Variants in GHR observed in about 807,000 individuals in gnomAD.
The protein encoded by GHR is GH receptor.
In GHR, 35 loss-of-function variants were observed where a neutral mutation model predicts 67.1. The observed-to-expected ratio is 0.52, with a 90% CI of 0.40 to 0.69. The LOEUF is 0.69. Among genes scored for constraint, GHR ranks in the 30% least tolerant of loss-of-function variants. The pLI is 0.00. For missense variants in GHR, 792 were observed against 764.6 expected, an observed-to-expected ratio of 1.04 and a Z score of -0.42; for synonymous variants, 272 against 269.1, an observed-to-expected ratio of 1.01 and a Z score of -0.10.
intron 6 of GHR, among the ~76,000 whole-genome samples, chr5:42,701,650 A>T (rs1006858449): frequency 2.6e-5 from 4 of 152,176 alleles, no homozygotes; most frequent in Non-Finnish European, 5.9e-5. Context: ...CAATGGAAAA[A>T]ATTTGACTTT....
chr5:42,667,114 T>C (rs1339289077), intron 3 of GHR, among the ~76,000 whole-genome samples: 1 of 152,056 alleles, frequency 6.6e-6, no homozygotes, highest in African/African-American at 2.4e-5. Context: ...CCCACCACTA[T>C]ATATATTTGA....
At chr5:42,456,051 G>T (rs576676009) in intron 1 of GHR, among the ~76,000 whole-genome samples, 5 of 152,182 alleles carry the variant, frequency 3.3e-5, no homozygotes, top group African/African-American at 1.2e-4. Context: ...AATGGCTTAC[G>T]CCTGTAATCC....
intron 1 of GHR, among the ~76,000 whole-genome samples, chr5:42,525,479 C>A (rs1190477482): frequency 2.6e-5 from 4 of 152,212 alleles, no homozygotes; most frequent in Non-Finnish European, 4.4e-5. Flanking sequence ...TCTGATTTTA[C>A]AGGCTTATAG....
intron 2 of GHR, among the ~76,000 whole-genome samples, chr5:42,569,204 T>G (rs1393177910): frequency 6.6e-6 from 1 of 152,214 alleles, no homozygotes; most frequent in Non-Finnish European, 1.5e-5. Flanking sequence ...AGTGTACAGA[T>G]GTAGATATGA....
intron 3 of GHR, among the ~76,000 whole-genome samples, chr5:42,651,431 T>C (rs1755012751): frequency 6.6e-6 from 1 of 151,966 alleles, no homozygotes; most frequent in African/African-American, 2.4e-5. Flanking sequence ...CCACTGTGAG[T>C]GGGGTTTCAA....
Position 42,719,547 on chromosome 5 carries a change from T to C in GHR, c.*123T>C. On this transcript the variant is annotated 3_prime_UTR_variant, in exon 10 of 10. Transcript: ENST00000230882. ...GAGTGACAGGATGGGGTATGGATTCTAAAATGCCTTTTCCCAAAATGTTGA... is the reference window on the plus strand; with the variant it reads ...GAGTGACAGGATGGGGTATGGATTCCAAAATGCCTTTTCCCAAAATGTTGA... 1 of 897,822 alleles carries C rather than the reference T, an allele frequency of 1.1e-6. No homozygotes were observed. The highest frequency in any genetic ancestry group is 1.8e-6 in the Non-Finnish European group (1 of 543,832). 55.6% of individuals were successfully genotyped at this position (897,822 alleles called of 1,614,324 possible).
At chr5:42,627,846 G>A (rs1456188356) in intron 2 of GHR, among the ~76,000 whole-genome samples, 1 of 152,238 alleles carries the variant, frequency 6.6e-6, no homozygotes, top group Non-Finnish European at 1.5e-5. Context: ...CAAAGGCAGA[G>A]GGCCAGTGTG....
chr5:42,642,716 T>C (rs1239925041), intron 3 of GHR, among the ~76,000 whole-genome samples: 1 of 152,156 alleles, frequency 6.6e-6, no homozygotes, highest in Non-Finnish European at 1.5e-5. Flanking sequence ...ACCACAAACT[T>C]GGTGGCTTAA....
chr5:42,472,670 A>G (rs1385715602), intron 1 of GHR, among the ~76,000 whole-genome samples: 1 of 152,214 alleles, frequency 6.6e-6, no homozygotes, highest in African/African-American at 2.4e-5. Flanking sequence ...ACTAAGGCCT[A>G]TAAGAGAGCA....
At chr5:42,427,904 C>A (rs1157858468) in intron 1 of GHR, among the ~76,000 whole-genome samples, 1 of 152,220 alleles carries the variant, frequency 6.6e-6, no homozygotes, top group Non-Finnish European at 1.5e-5. Flanking sequence ...GACTTCATGT[C>A]TCACATCCAG....
At chr5:42,669,283 A>G (rs373073772) in intron 3 of GHR, among the ~76,000 whole-genome samples, 7 of 152,244 alleles carry the variant, frequency 4.6e-5, no homozygotes, top group African/African-American at 1.7e-4. Context: ...TGCTCATCAC[A>G]AAAGACCCTA....
intron 3 of GHR, among the ~76,000 whole-genome samples, chr5:42,676,599 T>C (rs557715209): frequency 6.6e-6 from 1 of 152,180 alleles, no homozygotes; most frequent in South Asian, 2.1e-4. Flanking sequence ...AAAAAAAAAG[T>C]CTACCAGTCT....
At chr5:42,472,289 T>A (rs1745048785) in intron 1 of GHR, among the ~76,000 whole-genome samples, 1 of 152,246 alleles carries the variant, frequency 6.6e-6, no homozygotes, top group African/African-American at 2.4e-5. Flanking sequence ...GTTTTATATG[T>A]AATTGGTCAT....
intron 1 of GHR, among the ~76,000 whole-genome samples, chr5:42,537,444 G>T (rs770943717): frequency 6.6e-6 from 1 of 152,006 alleles, no homozygotes; most frequent in Non-Finnish European, 1.5e-5. Flanking sequence ...AACTTATTTA[G>T]TTTCTATGTA....
At chr5:42,489,787 A>G (rs1305743040) in intron 1 of GHR, among the ~76,000 whole-genome samples, 1 of 152,192 alleles carries the variant, frequency 6.6e-6, no homozygotes, top group African/African-American at 2.4e-5. Flanking sequence ...AGTTATGGCC[A>G]TTCATCTTTA....
At chr5:42,468,555 C>A in intron 1 of GHR, 1 of 874,630 alleles carries the variant, frequency 1.1e-6, no homozygotes, top group Non-Finnish European at 1.8e-6. Context: ...ACCCTTATTC[C>A]TTCTTTCTTA....
chr5:42,440,630 T>C (rs939937234), intron 1 of GHR, among the ~76,000 whole-genome samples: 1 of 152,118 alleles, frequency 6.6e-6, no homozygotes, highest in Admixed American at 6.5e-5. Context: ...CAGGTCTGCA[T>C]TTTAAGGAGG....
chr5:42,702,210 C>A (rs1757965364), intron 6 of GHR, among the ~76,000 whole-genome samples: 1 of 152,088 alleles, frequency 6.6e-6, no homozygotes, highest in Non-Finnish European at 1.5e-5. Context: ...ACTCTGCACC[C>A]TGCCCACAAC....
At chr5:42,519,681 T>C (rs949765616) in intron 1 of GHR, among the ~76,000 whole-genome samples, 1 of 152,220 alleles carries the variant, frequency 6.6e-6, no homozygotes, top group Non-Finnish European at 1.5e-5. Flanking sequence ...CATTGACCCC[T>C]TATCTACATT....
Sources: allele counts gnomAD v4.1 joint callset (sites outside exome capture counted in the v4.1 genomes callset), GRCh38; gene constraint gnomAD v4.1.1; transcripts MANE v1.5; gene names NCBI Gene and HGNC (gene_info 2026-07-23, HGNC 2026-07-21).